Variants in KIRREL3 observed in about 807,000 individuals in gnomAD.
The protein encoded by KIRREL3 is kin of IRRE-like protein 3.
A neutral mutation model predicts 89.7 loss-of-function variants in KIRREL3; 36 were observed. The observed-to-expected ratio is 0.40, with a 90% CI of 0.31 to 0.53. The LOEUF is 0.53. Among genes scored for constraint, KIRREL3 ranks in the 20% least tolerant of loss-of-function variants. The probability of loss-of-function intolerance (pLI) is 0.49; values close to 1 mark genes in which losing one functional copy is unlikely to be tolerated. For synonymous variants in KIRREL3, 445 were observed against 441.4 expected, an observed-to-expected ratio of 1.01 and a Z score of -0.10; for missense variants, 864 against 1,056.6, an observed-to-expected ratio of 0.82 and a Z score of 2.53.
In KIRREL3 at chr11:126,614,817, G is replaced by A. The variant is rs576595370; in HGVS notation, c.56-51905C>T. Among the ~76,000 whole-genome samples, 19 of 152,332 alleles carry A rather than the reference G, an allele frequency of 1.2e-4. No individual in the cohort carries two copies. In the South Asian group the frequency reaches 3.9e-3, roughly 32 times the overall value. ...TGGAATTGAATTTCTCTTAGTATCA[G>A]GTCTGGGTTGGGGCAGGTAAATCTT... On this transcript the variant is annotated intron_variant, in intron 1 of 16. Coordinates refer to ENST00000525144, the MANE Select transcript of KIRREL3 (RefSeq NM_032531.4). The surrounding 1 kb of genome is among the most constrained non-coding windows in gnomAD (Gnocchi z 4.6).
intron 1 of KIRREL3, among the ~76,000 whole-genome samples, chr11:126,801,620 G>A (rs10790831): frequency 0.23 from 34,383 of 152,180 alleles, 4,529 homozygotes; most frequent in East Asian, 0.46. Context: ...ACCAGCTGTG[G>A]GACCTTGGCC....
rs1385408657 is a variant in KIRREL3 at position 126,909,237 on chromosome 11, G to C, written c.55+91218C>G. 6.6e-6 allele frequency among the ~76,000 whole-genome samples: 1 copy of C among 152,090 alleles called. No individual in the cohort carries two copies. The highest frequency in any genetic ancestry group is 2.1e-4 in the South Asian group (1 of 4,808). ...AAGGAATGGGGTCGGAGAGGGAGGA[G>C]TTCATGGGAGGTGTGGCACTAAAAC... On this transcript the variant is annotated intron_variant, in intron 1 of 16. Coordinates refer to ENST00000525144, the MANE Select transcript of KIRREL3 (RefSeq NM_032531.4). The surrounding 1 kb of genome is among the most constrained non-coding windows in gnomAD (Gnocchi z 4.5).
At position 126,694,438 on chromosome 11, in the gene KIRREL3, A is replaced by T. The variant is rs144606249; in HGVS notation, c.56-131526T>A. 1.4e-4 allele frequency among the ~76,000 whole-genome samples: 21 copies of T among 152,270 alleles called. No homozygotes were observed. The East Asian group carries it at 4.1e-3, about 29-fold the overall frequency. ...TTGTGTCAGCATCACGCTCCGTGAC[A>T]TTTAAAAGTGGGGAAGGAAAATACT... On this transcript the variant is annotated intron_variant, in intron 1 of 16. Coordinates refer to ENST00000525144, the MANE Select transcript of KIRREL3 (RefSeq NM_032531.4). The surrounding 1 kb of genome is among the most constrained non-coding windows in gnomAD (Gnocchi z 4.4).
At chr11:126,466,082 G>T (rs1956714734) in intron 5 of KIRREL3, among the ~76,000 whole-genome samples, 1 of 152,082 alleles carries the variant, frequency 6.6e-6, no homozygotes, top group Non-Finnish European at 1.5e-5. Context: ...TGGCAGGGGA[G>T]GGAGGGGACC....
chr11:126,608,904 G>T lies in KIRREL3; in HGVS notation c.56-45992C>A, dbSNP rs898879098. On this transcript the variant is annotated intron_variant, in intron 1 of 16. Transcript: ENST00000525144. This position sits in a 1 kb window ranked among gnomAD's most constrained non-coding sequence, Gnocchi z 4.9. ...GGGGAGGGGATGGAGAAGCAGCTCT[G>T]GAGCCCAGCTTGCTGTTAGCCCTGA... is the stretch of plus-strand genomic sequence containing the variant. Among the ~76,000 whole-genome samples, 2 of 152,214 alleles carry T rather than the reference G, an allele frequency of 1.3e-5. No individual in the cohort carries two copies. Among genetic ancestry groups the T allele is most frequent in the African/African-American group, 4.8e-5 (2 of 41,446 alleles).
rs1031303976 is a variant in KIRREL3, at chr11:126,643,795, A to G, written c.56-80883T>C. On this transcript the variant is annotated intron_variant, in intron 1 of 16. Coordinates refer to ENST00000525144, the MANE Select transcript of KIRREL3 (RefSeq NM_032531.4). The surrounding 1 kb of genome is among the most constrained non-coding windows in gnomAD (Gnocchi z 4.5). ...GACAGTAGAAATGGAGGAAATAGAA[A>G]AGAGTTATTATGAACTGGTGACCAA... is the stretch of plus-strand genomic sequence containing the variant. 6.6e-6 allele frequency among the ~76,000 whole-genome samples: 1 copy of G among 152,180 alleles called. No individual in the cohort carries two copies. The highest frequency in any genetic ancestry group is 3.2e-3 in the Middle Eastern group (1 of 316).
At chr11:126,448,275 G>C (rs1955897734) in intron 8 of KIRREL3, among the ~76,000 whole-genome samples, 1 of 89,340 alleles carries the variant, frequency 1.1e-5, no homozygotes, top group South Asian at 4.4e-4. Flanking sequence ...GAGTGAGACT[G>C]TCTCAAAAAA....
Position 126,704,644 on chromosome 11 carries a change from G to T in KIRREL3, c.56-141732C>A, listed in dbSNP as rs1205158535. 6.6e-6 allele frequency among the ~76,000 whole-genome samples: 1 copy of T among 152,162 alleles called. No individual in the cohort carries two copies. Among genetic ancestry groups the T allele is most frequent in the East Asian group, 1.9e-4 (1 of 5,198 alleles). ...ACAGGGCTCTATTTTTGGATGTCTT[G>T]GTTCTCATGAGTTGTGGCTAAGTGA... On this transcript the variant is annotated intron_variant, in intron 1 of 16. Transcript: ENST00000525144. The surrounding 1 kb of genome is among the most constrained non-coding windows in gnomAD (Gnocchi z 4.2).
At chr11:126,810,626 C>T (rs1335169149) in intron 1 of KIRREL3, among the ~76,000 whole-genome samples, 1 of 152,152 alleles carries the variant, frequency 6.6e-6, no homozygotes, top group African/African-American at 2.4e-5. Context: ...TCAGGCCCTA[C>T]ACCTGAGCAT....
Position 126,606,348 on chromosome 11 carries a change from C to T in KIRREL3, c.56-43436G>A, listed in dbSNP as rs1033376690. Among the ~76,000 whole-genome samples, 1 of 152,156 alleles carries T rather than the reference C, an allele frequency of 6.6e-6. No homozygotes were observed. Among genetic ancestry groups the T allele is most frequent in the Non-Finnish European group, 1.5e-5 (1 of 68,030 alleles). On this transcript the variant is annotated intron_variant, in intron 1 of 16. Transcript: ENST00000525144. The surrounding 1 kb of genome is among the most constrained non-coding windows in gnomAD (Gnocchi z 4.6). ...ACTCTGGAGAATTTATGTAGTCTTT[C>T]TGTGTTTCAGTTTCCAAGTCTGTAA...
chr11:126,446,109 C>T (rs12806545), intron 9 of KIRREL3, among the ~76,000 whole-genome samples: 92,434 of 145,606 alleles, frequency 0.63, 31,337 homozygotes, highest in Non-Finnish European at 0.77. Flanking sequence ...GATCACGCCG[C>T]TGCACTCCAG....
intron 1 of KIRREL3, chr11:126,681,849 C>T (rs988553813): frequency 6.6e-6 from 3 of 453,202 alleles, no homozygotes; most frequent in South Asian, 3.1e-5. Flanking sequence ...ATCCCAGGTC[C>T]GGAAGGACAA....
In KIRREL3 at chr11:126,568,879, G is replaced by A. The variant is rs1940720458; in HGVS notation, c.56-5967C>T. Among the ~76,000 whole-genome samples the A allele has an allele frequency of 6.6e-6, 1 of 152,086 alleles. No homozygotes were observed. Among genetic ancestry groups the A allele is most frequent in the Non-Finnish European group, 1.5e-5 (1 of 68,028 alleles). On this transcript the variant is annotated intron_variant, in intron 1 of 16. Transcript: ENST00000525144. This position sits in a 1 kb window ranked among gnomAD's most constrained non-coding sequence, Gnocchi z 4.6. Reference sequence around the variant, plus strand: ...GAAAGTGGAGATGCAGAGAGGTGGAGTGAGCTCTCCAGGGTGATATAATGA... The same window carrying A: ...GAAAGTGGAGATGCAGAGAGGTGGAATGAGCTCTCCAGGGTGATATAATGA...
At position 126,830,196 on chromosome 11, in the gene KIRREL3, A is replaced by G. The variant is rs1943560654; in HGVS notation, c.55+170259T>C. On this transcript the variant is annotated intron_variant, in intron 1 of 16. Transcript: ENST00000525144. This position sits in a 1 kb window ranked among gnomAD's most constrained non-coding sequence, Gnocchi z 4.9. ...ACAACCCTTGCTAATCACTCTGGTC[A>G]ATATTTATCATAGGTACATTTTACA... 6.6e-6 allele frequency among the ~76,000 whole-genome samples: 1 copy of G among 152,194 alleles called. No individual in the cohort carries two copies.
chr11:126,445,397 G>A (rs1850691364), intron 9 of KIRREL3, among the ~76,000 whole-genome samples: 1 of 152,236 alleles, frequency 6.6e-6, no homozygotes. Flanking sequence ...TGCCGGAGGA[G>A]GGGGATGCCT....
chr11:126,996,146 A>C lies in KIRREL3; in HGVS notation c.55+4309T>G, dbSNP rs1950174534. Among the ~76,000 whole-genome samples, 1 of 152,066 alleles carries C rather than the reference A, an allele frequency of 6.6e-6. No homozygotes were observed. Among genetic ancestry groups the C allele is most frequent in the African/African-American group, 2.4e-5 (1 of 41,396 alleles). ...CCCCCATTTCCAACAGACATGCCCC[A>C]GTTTCCCCACCCGAAGATTTGTTAA... On this transcript the variant is annotated intron_variant, in intron 1 of 16. Coordinates refer to ENST00000525144, the MANE Select transcript of KIRREL3 (RefSeq NM_032531.4). This position sits in a 1 kb window ranked among gnomAD's most constrained non-coding sequence, Gnocchi z 4.7.
chr11:126,717,810 G>T (rs752303179), intron 1 of KIRREL3, among the ~76,000 whole-genome samples: 1 of 152,178 alleles, frequency 6.6e-6, no homozygotes, highest in Admixed American at 6.5e-5. Flanking sequence ...GCCACCCTGC[G>T]CTGATGTGTG....
chr11:126,841,810 G>A (rs377042890), intron 1 of KIRREL3, among the ~76,000 whole-genome samples: 5 of 152,288 alleles, frequency 3.3e-5, no homozygotes, highest in South Asian at 4.1e-4. Context: ...ATCTCAACAG[G>A]CCCCGAAGGT....
chr11:126,452,588 C>T (rs1006352655), intron 7 of KIRREL3, among the ~76,000 whole-genome samples: 1 of 152,212 alleles, frequency 6.6e-6, no homozygotes, highest in Admixed American at 6.5e-5. Context: ...TCTCGCCTCT[C>T]CTCTCCTTCC....
Sources: allele counts gnomAD v4.1 joint callset (sites outside exome capture counted in the v4.1 genomes callset), GRCh38; gene constraint gnomAD v4.1.1; non-coding constraint Gnocchi (gnomAD v3.1); transcripts MANE v1.5; gene names NCBI Gene and HGNC (gene_info 2026-07-23, HGNC 2026-07-21).